Variants in QTMAN observed in about 807,000 individuals in gnomAD.
QTMAN encodes queuosine-tRNA mannosyltransferase.
chr2:144,077,349 A>G, the QTMAN span, among the ~76,000 whole-genome samples: 1 of 152,364 alleles, frequency 6.6e-6, no homozygotes, highest in Non-Finnish European at 1.5e-5. Flanking sequence ...CCCAAATCAA[A>G]CTTACAAATA....
chr2:143,977,217 C>G, the QTMAN span, among the ~76,000 whole-genome samples: 1 of 152,074 alleles, frequency 6.6e-6, no homozygotes, highest in Non-Finnish European at 1.5e-5. Context: ...TCAGGAAAGA[C>G]ATGGGCTGGA....
chr2:144,313,067 C>T, the QTMAN span, among the ~76,000 whole-genome samples: 1 of 152,172 alleles, frequency 6.6e-6, no homozygotes. Flanking sequence ...ATTAAACATC[C>T]AGACAAACTA....
At chr2:144,208,055 C>T in the QTMAN span, among the ~76,000 whole-genome samples, 3 of 152,068 alleles carry the variant, frequency 2.0e-5, no homozygotes, top group African/African-American at 7.2e-5. Context: ...TTCCTACTTC[C>T]TAACAAACCA....
the QTMAN span, among the ~76,000 whole-genome samples, chr2:144,018,491 T>C: frequency 6.6e-6 from 1 of 152,202 alleles, no homozygotes; most frequent in Admixed American, 6.5e-5. Flanking sequence ...ATAAAACCTG[T>C]AAGTATACAA....
chr2:144,148,501 T>C, the QTMAN span, among the ~76,000 whole-genome samples: 1 of 151,838 alleles, frequency 6.6e-6, no homozygotes, highest in African/African-American at 2.4e-5. Context: ...TAACAGGCAT[T>C]AAATGGCAGT....
At chr2:144,073,043 C>T in the QTMAN span, among the ~76,000 whole-genome samples, 6 of 152,010 alleles carry the variant, frequency 3.9e-5, no homozygotes, top group African/African-American at 1.4e-4. Flanking sequence ...TGGGTGAGGT[C>T]TGTGAGAGGG....
At chr2:143,990,834 A>G in the QTMAN span, among the ~76,000 whole-genome samples, 4 of 152,230 alleles carry the variant, frequency 2.6e-5, no homozygotes, top group Admixed American at 6.5e-5. Context: ...AAATTATCAA[A>G]CATGGGATAC....
At chr2:144,032,486 C>A in the QTMAN span, among the ~76,000 whole-genome samples, 2 of 152,170 alleles carry the variant, frequency 1.3e-5, no homozygotes, top group South Asian at 4.1e-4. Context: ...AAAGAAAGAG[C>A]CATGTACGTC....
chr2:144,011,672 C>T, the QTMAN span: 23 of 964,984 alleles, frequency 2.4e-5, 1 homozygote, highest in Non-Finnish European at 2.8e-5. Flanking sequence ...TAATACCTTA[C>T]TGATGGGGTG....
At chr2:144,084,439 CACTT>C in the QTMAN span, among the ~76,000 whole-genome samples, 2 of 152,134 alleles carry the variant, frequency 1.3e-5, no homozygotes, top group East Asian at 1.9e-4. Context: ...GGAAAATAGA[CACTT>C]ACCATGTATG....
At chr2:144,062,117 A>T in the QTMAN span, among the ~76,000 whole-genome samples, 1 of 151,978 alleles carries the variant, frequency 6.6e-6, no homozygotes. Flanking sequence ...TGTCACACTG[A>T]CTCTTCACTA....
At chr2:144,118,052 T>C in the QTMAN span, among the ~76,000 whole-genome samples, 183 of 152,272 alleles carry the variant, frequency 1.2e-3, no homozygotes, top group South Asian at 7.0e-3. Flanking sequence ...TTCAACGTGT[T>C]AGCCAGGATG....
chr2:144,224,421 A>C, the QTMAN span, among the ~76,000 whole-genome samples: 8 of 152,196 alleles, frequency 5.3e-5, no homozygotes, highest in Non-Finnish European at 7.3e-5. Flanking sequence ...GGGATAAATT[A>C]GGTAACAAAG....
the QTMAN span, among the ~76,000 whole-genome samples, chr2:144,227,860 C>T: frequency 2.0e-5 from 3 of 152,192 alleles, no homozygotes; most frequent in African/African-American, 4.8e-5. Flanking sequence ...AGCTAAAACA[C>T]TCATTATCTC....
the QTMAN span, among the ~76,000 whole-genome samples, chr2:144,297,147 C>A: frequency 6.6e-6 from 1 of 152,058 alleles, no homozygotes; most frequent in African/African-American, 2.4e-5. Context: ...TCATGAAAAT[C>A]TTCAATTATA....
chr2:144,000,988 T>A, the QTMAN span, among the ~76,000 whole-genome samples: 1 of 151,992 alleles, frequency 6.6e-6, no homozygotes, highest in Non-Finnish European at 1.5e-5. Flanking sequence ...CAAAGTATTC[T>A]ATTATAAGGT....
the QTMAN span, among the ~76,000 whole-genome samples, chr2:144,194,037 TTAAAAAGTATTAATTC>T: frequency 2.4e-4 from 37 of 152,300 alleles, no homozygotes; most frequent in African/African-American, 8.9e-4. Flanking sequence ...ACTACGTTTT[TTAAAAAGTATTAATTC>T]TATGTCATCT....
chr2:144,197,165 G>C, the QTMAN span, among the ~76,000 whole-genome samples: 139 of 152,140 alleles, frequency 9.1e-4, no homozygotes, highest in Non-Finnish European at 1.3e-4. Context: ...ATAACACAAT[G>C]GTATTTGTGT....
chr2:144,167,502 G>A, the QTMAN span, among the ~76,000 whole-genome samples: 1 of 152,154 alleles, frequency 6.6e-6, no homozygotes, highest in Non-Finnish European at 1.5e-5. Flanking sequence ...TGTCAAGGGT[G>A]GGACCAGGTG....
Sources: allele counts gnomAD v4.1 joint callset (sites outside exome capture counted in the v4.1 genomes callset), GRCh38; gene constraint gnomAD v4.1.1; transcripts MANE v1.5; gene names NCBI Gene and HGNC (gene_info 2026-07-23, HGNC 2026-07-21).